Variants in LYPD4 observed in about 807,000 individuals in gnomAD.
The protein encoded by LYPD4 is LY6/PLAUR domain containing 4.
In LYPD4, 20 loss-of-function variants were observed where a neutral mutation model predicts 18.2. That is an observed-to-expected ratio of 1.10 (90% CI 0.77 to 1.59). LYPD4 has a LOEUF of 1.59. Ranked by LOEUF, LYPD4 falls within the 40% of genes most tolerant of loss-of-function variation. The probability of loss-of-function intolerance (pLI) is 0.00; values close to 1 mark genes in which losing one functional copy is unlikely to be tolerated. For missense variants in LYPD4, 278 were observed against 300.3 expected (o/e 0.93, Z 0.55); for synonymous variants, 111 against 118.3 (o/e 0.94, Z 0.40).
chr19:41,835,688 C>T, downstream of LYPD4: 1 of 708,080 alleles, frequency 1.4e-6, no homozygotes, highest in Non-Finnish European at 1.7e-6. Flanking sequence ...CCCAACCACC[C>T]CTTCCAGAAC....
chr19:41,842,016 G>A (rs2073611304), intron 1 of LYPD4, among the ~76,000 whole-genome samples: 1 of 152,104 alleles, frequency 6.6e-6, no homozygotes, highest in Non-Finnish European at 1.5e-5. Flanking sequence ...TTACAAAAAT[G>A]TCCACCTTCA....
chr19:41,838,756 T>C (rs1043988070), intron 3 of LYPD4, 125 bp downstream of exon 3: 5 of 431,234 alleles, frequency 1.2e-5, no homozygotes, highest in Non-Finnish European at 1.7e-5. Flanking sequence ...AAAATATATA[T>C]ACATATATAT....
Position 41,838,932 on chromosome 19 carries a change from C to G in LYPD4, c.160G>C (p.Val54Leu), listed in dbSNP as rs1555832242. 6.2e-7 allele frequency: 1 copy of G among 1,613,970 alleles called. No homozygotes were observed. Among genetic ancestry groups the G allele is most frequent in the Admixed American group, 1.7e-5 (1 of 60,014 alleles). The change falls in exon 3 of 5, where the codon GTG becomes CTG. Residue 54 changes from valine (V) to leucine (L), a missense_variant. Physicochemically the swap from Val to Leu is conservative, Grantham distance 32. Transcript: ENST00000609812. The part of the protein sequence containing the change: ...NWKWLLMRNM[V>L]CKLQEGCEET... ...TCGCAGCCCTCTTGCAGCTTACACA[C>G]CATGTTCCTCATCAGAAGCCACTTC... is the stretch of plus-strand genomic sequence containing the variant.
intron 1 of LYPD4, among the ~76,000 whole-genome samples, chr19:41,842,783 A>AAAAAAC (rs2073647125): frequency 6.7e-6 from 1 of 148,442 alleles, no homozygotes; most frequent in Non-Finnish European, 1.5e-5. Flanking sequence ...AAAAAAAAAA[A>AAAAAAC]AAAAAAAAAA....
At position 41,839,673 on chromosome 19, in the gene LYPD4, G is replaced by A. The variant is rs371794265; in HGVS notation, c.-120-268C>T. On this transcript the variant is annotated intron_variant, in intron 1 of 4. Coordinates refer to ENST00000609812, the MANE Select transcript of LYPD4 (RefSeq NM_173506.7). ...AGAAACAAATAGATGTTTCAAACTCGTGTGTGTTGTGTGTGTGTGTGTGTG... is the reference window on the plus strand; with the variant it reads ...AGAAACAAATAGATGTTTCAAACTCATGTGTGTTGTGTGTGTGTGTGTGTG... The A allele has an allele frequency of 1.3e-3, 277 of 216,378 alleles. 1 individual carries two copies. Among genetic ancestry groups the A allele is most frequent in the African/African-American group, 7.0e-3 (254 of 36,062 alleles). 13.4% of individuals were successfully genotyped at this position (216,378 alleles called of 1,614,324 possible). A position where few individuals can be genotyped will look rare whatever the true frequency, so the allele number is the denominator to read the frequency against.
downstream of LYPD4, chr19:41,835,626 G>T (rs962678117): frequency 9.8e-6 from 2 of 203,244 alleles, no homozygotes; most frequent in Non-Finnish European, 1.7e-5. Flanking sequence ...CTTGTCGTAG[G>T]CTCGCTGGTC....
intron 1 of LYPD4, among the ~76,000 whole-genome samples, chr19:41,840,153 C>T (rs1319354201): frequency 2.0e-5 from 3 of 151,960 alleles, no homozygotes; most frequent in Non-Finnish European, 1.5e-5. Flanking sequence ...CATACACACA[C>T]ACACACACAC....
chr19:41,840,548 T>C (rs1052358067), intron 1 of LYPD4, among the ~76,000 whole-genome samples: 2 of 152,090 alleles, frequency 1.3e-5, no homozygotes, highest in African/African-American at 4.8e-5. Context: ...TTAAAATATA[T>C]ACAGCCGGGC....
rs112701480 is a variant in LYPD4, at chr19:41,841,463, C to T, written c.-120-2058G>A. The stretch of plus-strand genomic sequence containing the variant: ...GCCTCAAATCACAAGGTCAGGAGTT[C>T]GCGACCAGCCTGGCCAACAAGGTGA... On this transcript the variant is annotated intron_variant, in intron 1 of 4. Transcript: ENST00000609812. Among the ~76,000 whole-genome samples, 24 of 151,700 alleles carry T rather than the reference C, an allele frequency of 1.6e-4. 1 individual carries two copies. Among genetic ancestry groups the T allele is most frequent in the South Asian group, 8.3e-4 (4 of 4,804 alleles).
Position 41,837,251 on chromosome 19 carries a change from A to G in LYPD4, c.633T>C (p.Thr211=). Residue 211 remains threonine, a synonymous_variant, in exon 5 of 5, where the codon ACT becomes ACC. Transcript: ENST00000609812. ...DFHHIGSIKV[T]EVLNILEKSQ... is the part of the protein sequence containing the mutation. ...ACTTCTCTAAGATGTTGAGGACCTC[A>G]GTCACTTTGATGCTCCCAATATGAT... The G allele has an allele frequency of 6.2e-7, 1 of 1,614,098 alleles. No individual in the cohort carries two copies. The highest frequency in any genetic ancestry group is 8.5e-7 in the Non-Finnish European group (1 of 1,179,974).
downstream of LYPD4, among the ~76,000 whole-genome samples, chr19:41,836,923 G>A (rs1164844101): frequency 1.3e-5 from 2 of 152,008 alleles, no homozygotes; most frequent in Non-Finnish European, 2.9e-5. Context: ...GAAGGGGAAG[G>A]AGAAAAGGAA....
rs782387376 is a variant in LYPD4, at chr19:41,837,238, T to C, written c.646A>G (p.Ile216Val). 8.7e-6 allele frequency: 14 copies of C among 1,613,998 alleles called. 1 individual carries two copies. The South Asian group carries it at 1.5e-4, about 18-fold the overall frequency. Residue 216 changes from isoleucine to valine, a missense_variant, in exon 5 of 5, where the codon ATC (isoleucine) becomes GTC (valine). Coordinates refer to ENST00000609812, the MANE Select transcript of LYPD4 (RefSeq NM_173506.7). ...GSIKVTEVLNILEKSQIVGAA... is the reference protein window; with the variant it reads ...GSIKVTEVLNVLEKSQIVGAA... ...CCAACAATCTGAGACTTCTCTAAGA[T>C]GTTGAGGACCTCAGTCACTTTGATG... is the stretch of plus-strand genomic sequence containing the variant.
At position 41,844,138 on chromosome 19, in the gene LYPD4, G is replaced by A. The variant is rs1335661424; in HGVS notation, c.-681C>T. 1 of 152,448 alleles carries A rather than the reference G, an allele frequency of 6.6e-6. No individual in the cohort carries two copies. Among genetic ancestry groups the A allele is most frequent in the Non-Finnish European group, 1.5e-5 (1 of 68,306 alleles). 9.4% of individuals were successfully genotyped at this position (152,448 alleles called of 1,614,324 possible). On this transcript the variant is annotated 5_prime_UTR_variant, in exon 1 of 5. Coordinates refer to ENST00000609812, the MANE Select transcript of LYPD4 (RefSeq NM_173506.7). ...AAAAGGACACAGAGCTGGCTGTACA[G>A]AGAAAAGGGGCCAAGGCAGAGAAGA... is the stretch of plus-strand genomic sequence containing the variant.
rs782523801 is a variant in LYPD4 at position 41,838,964 on chromosome 19, T to C, written c.128A>G (p.His43Arg). Residue 43 changes from histidine (H) to arginine (R), a missense_variant, in exon 3 of 5, where the codon CAT becomes CGT. His to Arg is a conservative substitution (Grantham distance 29). Transcript: ENST00000609812. ...TASRFRAVAF[H>R]NWKWLLMRNM... ...CCTCATCAGAAGCCACTTCCAGTTA[T>C]GGAAAGCAACAGCTCTGAATCTTGA... 6 of 1,613,880 alleles carry C rather than the reference T, an allele frequency of 3.7e-6. No homozygotes were observed. The highest frequency in any genetic ancestry group is 2.7e-5 in the African/African-American group (2 of 74,850).
chr19:41,844,799 T>A (rs972411684), upstream of LYPD4: 3 of 152,354 alleles, frequency 2.0e-5, no homozygotes, highest in South Asian at 6.2e-4. Flanking sequence ...GAAGACAGTC[T>A]GGGCGGGCAG....
At chr19:41,836,170 T>A (rs537784856), downstream of LYPD4, among the ~76,000 whole-genome samples, 11 of 151,118 alleles carry the variant, frequency 7.3e-5, no homozygotes, top group South Asian at 2.3e-3. Flanking sequence ...TGCCCCCTTA[T>A]GGCCAGAGAA....
chr19:41,837,143 T>C lies in LYPD4; in HGVS notation c.741A>G (p.Ter247TrpextTer?). ...GTGCTTGTCGGGTGCAGCTAGATGGTCAGTCCCTGAAGGCAAACAGGAGGC... is the reference window on the plus strand; with the variant it reads ...GTGCTTGTCGGGTGCAGCTAGATGGCCAGTCCCTGAAGGCAAACAGGAGGC... ...VLGLLFAFRD[*>W] Residue 247 changes from the stop codon to tryptophan, a stop_lost, in exon 5 of 5, where the codon TGA becomes TGG. Coordinates refer to ENST00000609812, the MANE Select transcript of LYPD4 (RefSeq NM_173506.7). 2 of 1,613,792 alleles carry C rather than the reference T, an allele frequency of 1.2e-6. No homozygotes were observed. Among genetic ancestry groups the C allele is most frequent in the Non-Finnish European group, 1.7e-6 (2 of 1,179,852 alleles).
chr19:41,839,302 C>G lies in LYPD4; in HGVS notation c.-17G>C. On this transcript the variant is annotated 5_prime_UTR_variant, in exon 2 of 5. Coordinates refer to ENST00000609812, the MANE Select transcript of LYPD4 (RefSeq NM_173506.7). Reference sequence around the variant, plus strand: ...GGGTCCCATGGCCCTGTGTCTGGGTCCTGGGTGCTAGAGGTCAGTCTGGAA... The same window carrying G: ...GGGTCCCATGGCCCTGTGTCTGGGTGCTGGGTGCTAGAGGTCAGTCTGGAA... 1 of 1,613,174 alleles carries G rather than the reference C, an allele frequency of 6.2e-7. No individual in the cohort carries two copies. Among genetic ancestry groups the G allele is most frequent in the Non-Finnish European group, 8.5e-7 (1 of 1,179,162 alleles).
At chr19:41,835,700 T>C, downstream of LYPD4, 1 of 815,078 alleles carries the variant, frequency 1.2e-6, no homozygotes, top group Non-Finnish European at 1.5e-6. Flanking sequence ...TTCCAGAACC[T>C]AGATTGGTCA....
Sources: gnomAD v4.1 joint callset for allele counts (sites outside exome capture counted in the v4.1 genomes callset) on GRCh38, gnomAD v4.1.1 for gene constraint, MANE v1.5 for transcripts, NCBI Gene and HGNC (gene_info 2026-07-23, HGNC 2026-07-21) for gene names.